Variants in ANO6 observed in about 807,000 individuals in gnomAD.
The protein encoded by ANO6 is anoctamin-6.
In ANO6, 106 loss-of-function variants were observed where a neutral mutation model predicts 117.5. The ratio of observed to expected loss-of-function variants is 0.90; its 90% confidence interval spans 0.77 to 1.06. ANO6 has a LOEUF of 1.06. ANO6 is among the 50% of genes least tolerant of loss of function. The pLI is 0.00. For synonymous variants in ANO6, 367 were observed against 385.1 expected (o/e 0.95, Z 0.55); for missense variants, 955 against 1,121.1 (o/e 0.85, Z 2.12).
chr12:45,392,627 A>C (rs979239017), intron 12 of ANO6, among the ~76,000 whole-genome samples: 1 of 152,084 alleles, frequency 6.6e-6, no homozygotes, highest in South Asian at 2.1e-4. Context: ...ATAGGGTGCT[A>C]CCTCTCTGGG....
intron 2 of ANO6, among the ~76,000 whole-genome samples, chr12:45,317,278 C>G (rs1456991173): frequency 1.1e-5 from 1 of 88,482 alleles, no homozygotes. Context: ...CCCCTCCCCC[C>G]ACCCCACAAC....
intron 19 of ANO6, among the ~76,000 whole-genome samples, chr12:45,424,179 A>G (rs1335831775): frequency 2.0e-5 from 3 of 151,936 alleles, no homozygotes; most frequent in Non-Finnish European, 4.4e-5. Flanking sequence ...TCTCCTTTTG[A>G]TATTGTGGTA....
chr12:45,219,214 G>T (rs1947360128), intron 1 of ANO6, among the ~76,000 whole-genome samples: 1 of 152,174 alleles, frequency 6.6e-6, no homozygotes, highest in Admixed American at 6.5e-5. Flanking sequence ...ACTGGATGGG[G>T]TCCCTGATTA....
intron 5 of ANO6, 70 bp downstream of exon 5, chr12:45,348,385 T>A: frequency 6.2e-7 from 1 of 1,603,590 alleles, no homozygotes; most frequent in Non-Finnish European, 8.5e-7. Flanking sequence ...GTTTGGTTGG[T>A]TTGGTTTTAT....
At chr12:45,358,772 T>C (rs1174331626) in intron 8 of ANO6, among the ~76,000 whole-genome samples, 1 of 152,004 alleles carries the variant, frequency 6.6e-6, no homozygotes, top group Non-Finnish European at 1.5e-5. Context: ...TGTTTAAAGC[T>C]TATGTCCCTC....
At position 45,431,999 on chromosome 12, in the gene ANO6, G is replaced by T. The variant is rs1285727308; in HGVS notation, c.*2688G>T. The T allele has an allele frequency of 3.2e-5, 32 of 985,172 alleles. No individual in the cohort carries two copies. The highest frequency in any genetic ancestry group is 6.0e-6 in the Non-Finnish European group (5 of 829,862). 61.0% of individuals were successfully genotyped at this position (985,172 alleles called of 1,614,324 possible). A position where few individuals can be genotyped will look rare whatever the true frequency, so the allele number is the denominator to read the frequency against. On this transcript the variant is annotated 3_prime_UTR_variant, in exon 20 of 20. Transcript: ENST00000320560. The stretch of plus-strand genomic sequence containing the variant: ...TCATTTTTATTTTAAAACTAAACAA[G>T]GCCATCTTATAAACTGTCACCAAAG...
At chr12:45,373,592 A>G (rs1941912191) in intron 9 of ANO6, among the ~76,000 whole-genome samples, 1 of 152,198 alleles carries the variant, frequency 6.6e-6, no homozygotes, top group Non-Finnish European at 1.5e-5. Context: ...GAAACTGAAC[A>G]ACCTGCTCCT....
chr12:45,318,112 A>C (rs1940117552), intron 2 of ANO6, among the ~76,000 whole-genome samples: 1 of 152,162 alleles, frequency 6.6e-6, no homozygotes, highest in Non-Finnish European at 1.5e-5. Flanking sequence ...TGCTGTGCAG[A>C]AGCTCTTTAG....
intron 11 of ANO6, 40 bp downstream of exon 11, chr12:45,388,343 C>G (rs1373398060): frequency 1.2e-6 from 2 of 1,612,062 alleles, no homozygotes; most frequent in African/African-American, 2.7e-5. Flanking sequence ...AATCTACTTA[C>G]TGCTGTGGTT....
intron 1 of ANO6, among the ~76,000 whole-genome samples, chr12:45,254,782 T>A (rs946533791): frequency 1.3e-5 from 2 of 152,202 alleles, no homozygotes; most frequent in Non-Finnish European, 2.9e-5. Flanking sequence ...TTGTTAACAA[T>A]GAAGTAGAAA....
chr12:45,247,303 G>T (rs1947840431), intron 1 of ANO6, among the ~76,000 whole-genome samples: 2 of 152,092 alleles, frequency 1.3e-5, no homozygotes, highest in South Asian at 4.1e-4. Context: ...AACTAAGAAG[G>T]TGCATAAAGA....
chr12:45,308,890 A>C (rs1443341935), intron 2 of ANO6, among the ~76,000 whole-genome samples: 7 of 152,022 alleles, frequency 4.6e-5, no homozygotes, highest in Non-Finnish European at 1.0e-4. Context: ...TGGAGAGTAC[A>C]ATATTGGCAA....
chr12:45,337,643 G>A (rs976673453), intron 3 of ANO6, among the ~76,000 whole-genome samples: 21 of 152,108 alleles, frequency 1.4e-4, no homozygotes, highest in Non-Finnish European at 2.4e-4. Context: ...GCAGGGGCTG[G>A]AGGTGAGAGG....
intron 10 of ANO6, among the ~76,000 whole-genome samples, chr12:45,380,171 C>A (rs539919936): frequency 3.3e-5 from 5 of 152,166 alleles, no homozygotes; most frequent in Non-Finnish European, 7.3e-5. Context: ...TAAAAATGTC[C>A]ATCCTTTCAG....
chr12:45,403,728 A>G (rs1395095896), intron 15 of ANO6, among the ~76,000 whole-genome samples, 192 bp downstream of exon 15: 2 of 152,212 alleles, frequency 1.3e-5, no homozygotes, highest in Non-Finnish European at 2.9e-5. Context: ...CCAGGATCTA[A>G]TAATTGTATT....
chr12:45,230,467 A>T (rs1196894566), intron 1 of ANO6, among the ~76,000 whole-genome samples: 1 of 149,600 alleles, frequency 6.7e-6, no homozygotes, highest in Non-Finnish European at 1.5e-5. Context: ...TTATATATAC[A>T]AAATACATAA....
intron 10 of ANO6, among the ~76,000 whole-genome samples, chr12:45,385,101 G>A (rs560542915): frequency 4.9e-4 from 74 of 152,096 alleles, no homozygotes; most frequent in Non-Finnish European, 8.7e-4. Context: ...GCATTCATTC[G>A]TTACATGCCT....
intron 1 of ANO6, among the ~76,000 whole-genome samples, chr12:45,228,000 T>C (rs1039788363): frequency 6.6e-6 from 1 of 152,080 alleles, no homozygotes; most frequent in Non-Finnish European, 1.5e-5. Context: ...TTCAGGGAAA[T>C]CTTAGCAAAA....
intron 9 of ANO6, among the ~76,000 whole-genome samples, chr12:45,373,434 A>G (rs1206070681): frequency 6.6e-6 from 1 of 152,172 alleles, no homozygotes; most frequent in Non-Finnish European, 1.5e-5. Context: ...CACCACACCT[A>G]TTCCAAAATT....
Sources: gnomAD v4.1 joint callset for allele counts (sites outside exome capture counted in the v4.1 genomes callset) on GRCh38, gnomAD v4.1.1 for gene constraint, MANE v1.5 for transcripts, NCBI Gene and HGNC (gene_info 2026-07-23, HGNC 2026-07-21) for gene names.